The following ST3GAL6 variants were observed in gnomAD, a reference collection of about 807,000 sequenced individuals.
ST3GAL6 encodes the protein type 2 lactosamine alpha-2,3-sialyltransferase.
Under a neutral mutation model 40.5 loss-of-function variants are expected in ST3GAL6, and 31 were observed. That is an observed-to-expected ratio of 0.77 (90% CI 0.58 to 1.03). The LOEUF (loss-of-function observed/expected upper bound fraction) is 1.03, where lower values mean the gene tolerates loss of function less well. ST3GAL6 is among the 50% of genes least tolerant of loss of function. The probability of loss-of-function intolerance (pLI) is 0.00; values close to 1 mark genes in which losing one functional copy is unlikely to be tolerated. For synonymous variants in ST3GAL6, 129 were observed against 136.9 expected, an observed-to-expected ratio of 0.94 and a Z score of 0.40; for missense variants, 357 against 393.2, an observed-to-expected ratio of 0.91 and a Z score of 0.78.
At chr3:98,782,697 C>T (rs2107293722) in intron 5 of ST3GAL6, 2 of 443,972 alleles carry the variant, frequency 4.5e-6, no homozygotes, top group African/African-American at 2.0e-5. Flanking sequence ...ATTTCAAAAA[C>T]TGCTGCCAGC....
chr3:98,784,922 TC>T, intron 5 of ST3GAL6, 22 bp from the exon 6 acceptor site: 20 of 1,586,516 alleles, frequency 1.3e-5, no homozygotes, highest in Non-Finnish European at 1.6e-5. Flanking sequence ...GCTCAATCTC[TC>T]ACTTGTCCAT....
intron 5 of ST3GAL6, among the ~76,000 whole-genome samples, chr3:98,776,338 C>T (rs570551941): frequency 6.6e-6 from 1 of 152,268 alleles, no homozygotes; most frequent in East Asian, 1.9e-4. Context: ...CCTCAAGTGA[C>T]CTTATGTAGT....
At chr3:98,771,434 T>C (rs1334051566) in intron 3 of ST3GAL6, among the ~76,000 whole-genome samples, 2 of 152,224 alleles carry the variant, frequency 1.3e-5, no homozygotes, top group Non-Finnish European at 2.9e-5. Context: ...TGATTGTGGC[T>C]CTTGGGCTTT....
chr3:98,766,581 C>T (rs111277044), intron 1 of ST3GAL6, among the ~76,000 whole-genome samples: 139 of 151,966 alleles, frequency 9.1e-4, no homozygotes, highest in African/African-American at 3.1e-3. Flanking sequence ...CCATCACGCC[C>T]GGCTAATTTT....
At chr3:98,740,753 G>T (rs533490750) in intron 1 of ST3GAL6, among the ~76,000 whole-genome samples, 1 of 152,118 alleles carries the variant, frequency 6.6e-6, no homozygotes, top group South Asian at 2.1e-4. Context: ...AGTGTTATCT[G>T]CCACTATTAC....
In ST3GAL6 at chr3:98,774,479, A is replaced by G. The variant is rs537434052; in HGVS notation, c.335+496A>G. ...ACTTGCTTTGATGTTTTCTGACTAC[A>G]AAAGTAATTTAGTTTTTAGACAATT... On this transcript the variant is annotated intron_variant, in intron 5 of 9. Transcript: ENST00000483910. 9.8e-5 allele frequency among the ~76,000 whole-genome samples: 15 copies of G among 152,346 alleles called. No homozygotes were observed. In the Middle Eastern group the frequency reaches 0.01, roughly 104 times the overall value.
upstream of ST3GAL6, among the ~76,000 whole-genome samples, chr3:98,759,994 C>A (rs930285163): frequency 6.6e-6 from 1 of 152,106 alleles, no homozygotes; most frequent in African/African-American, 2.4e-5. Context: ...AAACAAAAAA[C>A]CCCACAAACA....
At chr3:98,735,181 T>G (rs1033289143) in intron 1 of ST3GAL6, among the ~76,000 whole-genome samples, 3 of 152,214 alleles carry the variant, frequency 2.0e-5, no homozygotes, top group Admixed American at 6.5e-5. Flanking sequence ...TTTTATAGCT[T>G]AAAAAACCAA....
intron 1 of ST3GAL6, chr3:98,733,028 G>A (rs1431789328): frequency 2.8e-6 from 4 of 1,434,684 alleles, no homozygotes; most frequent in African/African-American, 3.0e-5. Context: ...GAAATTGGGG[G>A]TGCGGGAAGA....
intron 1 of ST3GAL6, among the ~76,000 whole-genome samples, chr3:98,740,526 C>A (rs1026824372): frequency 6.6e-6 from 1 of 150,974 alleles, no homozygotes; most frequent in Non-Finnish European, 1.5e-5. Flanking sequence ...TCTCCTTCTC[C>A]TCCACACTCT....
chr3:98,765,859 T>G (rs544290245), intron 1 of ST3GAL6, among the ~76,000 whole-genome samples: 1 of 152,342 alleles, frequency 6.6e-6, no homozygotes, highest in Non-Finnish European at 1.5e-5. Context: ...TTTCTTTGAA[T>G]GTTTTTGCTC....
chr3:98,756,802 C>G (rs534879210), intron 1 of ST3GAL6, among the ~76,000 whole-genome samples: 2 of 152,204 alleles, frequency 1.3e-5, no homozygotes, highest in Admixed American at 1.3e-4. Flanking sequence ...GTTGAATGGG[C>G]CTTCTTTGGG....
intron 8 of ST3GAL6, among the ~76,000 whole-genome samples, chr3:98,790,895 A>G (rs923121775): frequency 8.5e-5 from 13 of 152,200 alleles, no homozygotes; most frequent in Admixed American, 5.2e-4. Context: ...CTAGGTTACA[A>G]TGGTACATAG....
chr3:98,750,442 GA>G (rs3841917), intron 1 of ST3GAL6, among the ~76,000 whole-genome samples: 61,729 of 151,966 alleles, frequency 0.41, 12,938 homozygotes, highest in Middle Eastern at 0.55. Context: ...AATGTAGTTA[GA>G]AGACTCTGTA....
At chr3:98,761,609 CA>C (rs35800676), upstream of ST3GAL6, among the ~76,000 whole-genome samples, 53,879 of 114,408 alleles carry the variant, frequency 0.47, 10,255 homozygotes, top group Middle Eastern at 0.65. Context: ...GACTCCATCT[CA>C]AAAAAAAAAA....
upstream of ST3GAL6, among the ~76,000 whole-genome samples, chr3:98,758,606 G>A (rs1021380842): frequency 2.6e-5 from 4 of 152,204 alleles, no homozygotes; most frequent in African/African-American, 7.2e-5. Flanking sequence ...AAGCAGATGA[G>A]TAAAGCTTCC....
intron 1 of ST3GAL6, among the ~76,000 whole-genome samples, chr3:98,757,162 A>G (rs559356449): frequency 1.6e-3 from 239 of 152,358 alleles, no homozygotes; most frequent in African/African-American, 5.7e-3. Context: ...TTACCCATGA[A>G]TATATGCAGG....
chr3:98,739,359 G>T (rs1044381568), intron 1 of ST3GAL6, among the ~76,000 whole-genome samples: 1 of 147,274 alleles, frequency 6.8e-6, no homozygotes, highest in Non-Finnish European at 1.5e-5. Context: ...GACTTGACTT[G>T]AAGGAAATTG....
chr3:98,767,908 A>G (rs1938533925), intron 1 of ST3GAL6, among the ~76,000 whole-genome samples: 1 of 152,180 alleles, frequency 6.6e-6, no homozygotes. Flanking sequence ...GATGAGGGAA[A>G]TGTTTTTTCA....
Sources: allele counts gnomAD v4.1 joint callset (sites outside exome capture counted in the v4.1 genomes callset), GRCh38; gene constraint gnomAD v4.1.1; transcripts MANE v1.5; gene names NCBI Gene and HGNC (gene_info 2026-07-23, HGNC 2026-07-21).